Variants in PARD3B observed in about 807,000 individuals in gnomAD.
The protein encoded by PARD3B is par-3 family cell polarity regulator beta.
In PARD3B, 103 loss-of-function variants were observed where a neutral mutation model predicts 130.2. The observed-to-expected ratio is 0.79, with a 90% confidence interval of 0.67 to 0.93. The LOEUF is 0.93. PARD3B is among the 40% of genes least tolerant of loss of function. The pLI, the probability that PARD3B is intolerant of heterozygous loss-of-function variation, is 0.00. For synonymous variants in PARD3B, 583 were observed against 553.2 expected (o/e 1.05, Z -0.76); for missense variants, 1,609 against 1,499.2 (o/e 1.07, Z -1.21).
rs1431737537 is a variant in PARD3B at position 205,589,582 on chromosome 2, A to C, written c.3261-25874A>C. 6.6e-6 allele frequency among the ~76,000 whole-genome samples: 1 copy of C among 151,476 alleles called. No homozygotes were observed. The highest frequency in any genetic ancestry group is 2.4e-5 in the African/African-American group (1 of 41,156). ...CATTTTGGTACCTTCCTTTTTATTT[A>C]CTCCCTTGGGTCTGAGCAGGCAAGA... is the stretch of plus-strand genomic sequence containing the variant. On this transcript the variant is annotated intron_variant, in intron 22 of 22. Transcript: ENST00000406610. This position sits in a 1 kb window ranked among gnomAD's most constrained non-coding sequence, Gnocchi z 4.1.
In PARD3B at chr2:205,287,804, G is replaced by A. The variant is rs2041452357; in HGVS notation, c.2186-12726G>A. 6.6e-6 allele frequency among the ~76,000 whole-genome samples: 1 copy of A among 152,152 alleles called. No homozygotes were observed. The highest frequency in any genetic ancestry group is 2.4e-5 in the African/African-American group (1 of 41,420). ...TTCTCTGAGGTAGAGTAAAGCAAGT[G>A]TTTCCATGTACCCTGACATCTCAGT... On this transcript the variant is annotated intron_variant, in intron 16 of 22. Transcript: ENST00000406610. This position sits in a 1 kb window ranked among gnomAD's most constrained non-coding sequence, Gnocchi z 4.8.
intron 1 of PARD3B, among the ~76,000 whole-genome samples, chr2:204,614,313 ATTTTTT>A (rs564105406): frequency 1.3e-5 from 2 of 151,466 alleles, no homozygotes; most frequent in East Asian, 3.9e-4. Flanking sequence ...GCAATATTAC[ATTTTTT>A]TATACTGTCT....
intron 2 of PARD3B, among the ~76,000 whole-genome samples, chr2:204,858,763 A>G (rs1272800435): frequency 6.7e-6 from 1 of 148,332 alleles, no homozygotes; most frequent in African/African-American, 2.4e-5. Flanking sequence ...ATAGGTGTAT[A>G]TATTATATAT....
At chr2:204,552,156 A>G (rs1012138790) in intron 1 of PARD3B, among the ~76,000 whole-genome samples, 23 of 152,342 alleles carry the variant, frequency 1.5e-4, no homozygotes, top group Non-Finnish European at 2.9e-4. Flanking sequence ...CTTAAAGACC[A>G]GATCCCAGGC....
rs149156604 is a variant in PARD3B, at chr2:204,936,391, A to G, written c.223-28761A>G. On this transcript the variant is annotated intron_variant, in intron 2 of 22. Coordinates refer to ENST00000406610, the MANE Select transcript of PARD3B (RefSeq NM_001302769.2). ...GACAAAGGTAAAATATTGTTGATCA[A>G]TCTATTAACATGCCGGCTTATCATC... 1.2e-3 allele frequency among the ~76,000 whole-genome samples: 183 copies of G among 152,312 alleles called. 1 individual carries two copies. The highest frequency in any genetic ancestry group is 4.0e-3 in the African/African-American group (166 of 41,562).
intron 20 of PARD3B, among the ~76,000 whole-genome samples, chr2:205,467,520 A>C (rs1005088174): frequency 1.3e-5 from 2 of 152,222 alleles, no homozygotes; most frequent in African/African-American, 4.8e-5. Context: ...TTTATAATAT[A>C]TTTTATTTAA....
chr2:205,220,705 C>T (rs1289795424), intron 15 of PARD3B, among the ~76,000 whole-genome samples: 2 of 152,154 alleles, frequency 1.3e-5, no homozygotes, highest in Non-Finnish European at 2.9e-5. Flanking sequence ...GGGAGGCCTG[C>T]TTTACATAGG....
intron 3 of PARD3B, among the ~76,000 whole-genome samples, chr2:204,997,940 G>T: frequency 7.0e-6 from 1 of 143,060 alleles, no homozygotes; most frequent in African/African-American, 2.6e-5. Context: ...ATTTTTATTT[G>T]TTATATATAG....
chr2:204,934,238 A>G (rs538357888), intron 2 of PARD3B, among the ~76,000 whole-genome samples: 2 of 152,306 alleles, frequency 1.3e-5, no homozygotes, highest in South Asian at 4.1e-4. Flanking sequence ...TTACTGCAAG[A>G]TTTGCTAAAG....
chr2:204,789,756 C>G (rs1375052227), intron 2 of PARD3B, among the ~76,000 whole-genome samples: 1 of 152,114 alleles, frequency 6.6e-6, no homozygotes, highest in Non-Finnish European at 1.5e-5. Flanking sequence ...TTTTAGTGCT[C>G]CATATCATTA....
At chr2:205,256,215 T>G (rs866177496) in intron 16 of PARD3B, among the ~76,000 whole-genome samples, 5 of 152,090 alleles carry the variant, frequency 3.3e-5, no homozygotes, top group African/African-American at 1.2e-4. Flanking sequence ...TGATCAATAG[T>G]CATGGCTCCC....
chr2:205,573,132 C>T (rs1291451786), intron 22 of PARD3B, among the ~76,000 whole-genome samples: 2 of 152,056 alleles, frequency 1.3e-5, no homozygotes, highest in South Asian at 2.1e-4. Flanking sequence ...CCCCATGATT[C>T]GACTACCTCC....
Position 205,618,958 on chromosome 2 carries a change from T to C in PARD3B, c.*3145T>C, listed in dbSNP as rs1294846549. The stretch of plus-strand genomic sequence containing the variant: ...ACAATTATTCTGAAGCTCATTATTC[T>C]TAGATCTGTAGATATATATGTGTTG... On this transcript the variant is annotated 3_prime_UTR_variant, in exon 23 of 23. Coordinates refer to ENST00000406610, the MANE Select transcript of PARD3B (RefSeq NM_001302769.2). The C allele has an allele frequency of 6.6e-6, 1 of 152,238 alleles. No homozygotes were observed. Among genetic ancestry groups the C allele is most frequent in the Non-Finnish European group, 1.5e-5 (1 of 68,038 alleles). 9.4% of individuals were successfully genotyped at this position (152,238 alleles called of 1,614,324 possible).
intron 6 of PARD3B, among the ~76,000 whole-genome samples, chr2:205,118,018 T>C (rs1343356271): frequency 2.0e-5 from 3 of 152,140 alleles, no homozygotes; most frequent in African/African-American, 7.2e-5. Flanking sequence ...GATTCTAAGC[T>C]ACAGCCACAA....
At chr2:205,149,791 A>C (rs1369675288) in intron 10 of PARD3B, among the ~76,000 whole-genome samples, 1 of 152,210 alleles carries the variant, frequency 6.6e-6, no homozygotes, top group Non-Finnish European at 1.5e-5. Flanking sequence ...GATTCAGGGC[A>C]GTAGTTCTTA....
intron 2 of PARD3B, among the ~76,000 whole-genome samples, chr2:204,837,614 G>C (rs928937820): frequency 2.6e-5 from 4 of 151,888 alleles, no homozygotes; most frequent in African/African-American, 7.3e-5. Flanking sequence ...CTTTCCCTGA[G>C]TGTATACATC....
intron 18 of PARD3B, among the ~76,000 whole-genome samples, chr2:205,303,220 C>T (rs1447805834): frequency 6.6e-6 from 1 of 152,182 alleles, no homozygotes; most frequent in African/African-American, 2.4e-5. Context: ...TCCACCTTCT[C>T]CTATTTCTCA....
In PARD3B at chr2:205,268,163, A is replaced by G. The variant is rs983643964; in HGVS notation, c.2185+22341A>G. ...TTAGAGTCAACTGCAAGAACTCATTAATACCAAGCCCAAGAAGGAACTGCT... is the reference window on the plus strand; with the variant it reads ...TTAGAGTCAACTGCAAGAACTCATTGATACCAAGCCCAAGAAGGAACTGCT... On this transcript the variant is annotated intron_variant, in intron 16 of 22. Coordinates refer to ENST00000406610, the MANE Select transcript of PARD3B (RefSeq NM_001302769.2). The surrounding 1 kb of genome is among the most constrained non-coding windows in gnomAD (Gnocchi z 4.1). 1.3e-5 allele frequency among the ~76,000 whole-genome samples: 2 copies of G among 152,222 alleles called. No individual in the cohort carries two copies. Among genetic ancestry groups the G allele is most frequent in the African/African-American group, 2.4e-5 (1 of 41,472 alleles).
At chr2:205,290,135 A>C (rs898276312) in intron 16 of PARD3B, among the ~76,000 whole-genome samples, 1 of 152,234 alleles carries the variant, frequency 6.6e-6, no homozygotes, top group African/African-American at 2.4e-5. Context: ...CATGGCTACC[A>C]TTGGAAATAT....
Sources: allele counts gnomAD v4.1 joint callset (sites outside exome capture counted in the v4.1 genomes callset), GRCh38; gene constraint gnomAD v4.1.1; non-coding constraint Gnocchi (gnomAD v3.1); transcripts MANE v1.5; gene names NCBI Gene and HGNC (gene_info 2026-07-23, HGNC 2026-07-21).